Variants in ABCA4 observed in about 807,000 individuals in gnomAD.
The protein encoded by ABCA4 is ATP binding cassette subfamily A member 4.
In ABCA4, 196 loss-of-function variants were observed where a neutral mutation model predicts 263.7. The observed-to-expected ratio is 0.74, with a 90% CI of 0.66 to 0.84. The LOEUF (loss-of-function observed/expected upper bound fraction) is 0.84. Among genes scored for constraint, ABCA4 ranks in the 40% least tolerant of loss-of-function variants. The probability of loss-of-function intolerance (pLI) is 0.00; values close to 1 mark genes in which losing one functional copy is unlikely to be tolerated. For missense variants in ABCA4, 2,792 were observed against 2,855.1 expected (o/e 0.98, Z 0.50); for synonymous variants, 1,133 against 1,094.2 (o/e 1.04, Z -0.70).
At chr1:94,000,308 AATAGT>A (rs1016622945) in intron 47 of ABCA4, among the ~76,000 whole-genome samples, 1 of 152,224 alleles carries the variant, frequency 6.6e-6, no homozygotes, top group African/African-American at 2.4e-5. Context: ...AATTATCTAC[AATAGT>A]TTACAATGTG....
At chr1:94,016,683 T>C (rs1659755873) in intron 36 of ABCA4, among the ~76,000 whole-genome samples, 2 of 152,196 alleles carry the variant, frequency 1.3e-5, no homozygotes, top group African/African-American at 2.4e-5. Context: ...GGAGAGCTCA[T>C]AGTGTTCACT....
intron 11 of ABCA4, among the ~76,000 whole-genome samples, chr1:94,076,615 C>A (rs1348669616): frequency 1.3e-5 from 2 of 152,164 alleles, no homozygotes; most frequent in Admixed American, 1.3e-4. Flanking sequence ...TGAGCAAGGG[C>A]TGGGAAGGTG....
At chr1:94,060,952 T>C (rs187957935) in intron 13 of ABCA4, among the ~76,000 whole-genome samples, 193 bp from the exon 14 acceptor site, 20 of 152,380 alleles carry the variant, frequency 1.3e-4, no homozygotes, top group African/African-American at 4.6e-4. Flanking sequence ...CATTATTTTT[T>C]GTTTATAGCA....
chr1:94,022,135 T>A (rs1659920205), intron 32 of ABCA4, among the ~76,000 whole-genome samples, 184 bp from the exon 33 acceptor site: 1 of 151,896 alleles, frequency 6.6e-6, no homozygotes. Context: ...CAGGAAGGAG[T>A]CCAAACCCTC....
intron 17 of ABCA4, 31 bp downstream of exon 17, chr1:94,051,602 A>G (rs374728806): frequency 3.2e-6 from 5 of 1,585,272 alleles, no homozygotes; most frequent in Non-Finnish European, 3.5e-6. Context: ...GTTGATTTCA[A>G]ACATTAAGAT....
intron 21 of ABCA4, 151 bp from the exon 22 acceptor site, chr1:94,043,049 G>A (rs1334575717): frequency 7.2e-6 from 9 of 1,242,582 alleles, no homozygotes; most frequent in African/African-American, 1.5e-5. Context: ...CCCTAATACT[G>A]TTCAGGCTTT....
At position 94,021,861 on chromosome 1, in the gene ABCA4, G is replaced by A. The variant is rs372697156; in HGVS notation, c.4758C>T (p.Ile1586=). The change falls in exon 33 of 50, where the codon ATC becomes ATT. Residue 1586 remains isoleucine (I), a synonymous_variant. Coordinates refer to ENST00000370225, the MANE Select transcript of ABCA4 (RefSeq NM_000350.3). ...GTTTACATACCCCGCTCACATTCATGATCCGGCCAAGGTCGCTTAAAAACC... is the reference window on the plus strand; with the variant it reads ...GTTTACATACCCCGCTCACATTCATAATCCGGCCAAGGTCGCTTAAAAACC... The part of the protein sequence containing the change: ...LVGFLSDLGR[I]MNVSGGPITR... 2 of 1,614,084 alleles carry A rather than the reference G, an allele frequency of 1.2e-6. No individual in the cohort carries two copies. Among genetic ancestry groups the A allele is most frequent in the Non-Finnish European group, 1.7e-6 (2 of 1,180,020 alleles).
intron 1 of ABCA4, among the ~76,000 whole-genome samples, chr1:94,114,541 C>T (rs1381037322): frequency 1.3e-5 from 2 of 152,022 alleles, no homozygotes; most frequent in Non-Finnish European, 2.9e-5. Flanking sequence ...GGCTGGAGTG[C>T]AGTGGCACGA....
chr1:94,022,422 C>T (rs1659928958), intron 32 of ABCA4, among the ~76,000 whole-genome samples: 1 of 152,204 alleles, frequency 6.6e-6, no homozygotes, highest in Non-Finnish European at 1.5e-5. Context: ...TGTGCCACCT[C>T]TGTGCTTTGC....
At chr1:94,027,333 T>G (rs937950732) in intron 30 of ABCA4, among the ~76,000 whole-genome samples, 2 of 152,184 alleles carry the variant, frequency 1.3e-5, no homozygotes, top group Non-Finnish European at 2.9e-5. Context: ...TGAAACACCA[T>G]GTAGGTAGGC....
chr1:94,064,128 C>G (rs2101080563), intron 11 of ABCA4, among the ~76,000 whole-genome samples: 1 of 152,292 alleles, frequency 6.6e-6, no homozygotes, highest in African/African-American at 2.4e-5. Context: ...TAGCATGTAA[C>G]TCACAAGAAG....
At chr1:94,111,091 TG>T (rs1172683067) in intron 3 of ABCA4, among the ~76,000 whole-genome samples, 1 of 152,236 alleles carries the variant, frequency 6.6e-6, no homozygotes, top group Non-Finnish European at 1.5e-5. Context: ...GTGAGGGAAC[TG>T]AGTTTTTCTC....
chr1:94,011,240 A>T, intron 39 of ABCA4, 22 bp downstream of exon 39: 1 of 1,613,874 alleles, frequency 6.2e-7, no homozygotes, highest in Non-Finnish European at 8.5e-7. Flanking sequence ...CCCATGCTCC[A>T]TGGGCCTCGG....
At chr1:94,060,236 C>G (rs1444769098) in intron 14 of ABCA4, among the ~76,000 whole-genome samples, 1 of 152,246 alleles carries the variant, frequency 6.6e-6, no homozygotes, top group Non-Finnish European at 1.5e-5. Flanking sequence ...CACTATCACC[C>G]TGTGCAGGGC....
At chr1:94,050,896 G>A (rs1660824059) in intron 17 of ABCA4, among the ~76,000 whole-genome samples, 1 of 152,252 alleles carries the variant, frequency 6.6e-6, no homozygotes, top group Non-Finnish European at 1.5e-5. Flanking sequence ...AGGTAGGTGA[G>A]CAACAAACAG....
At position 94,044,809 on chromosome 1, in the gene ABCA4, C is replaced by T; in HGVS notation, c.2919-65G>A. On this transcript the variant is annotated intron_variant, in intron 19 of 49. Coordinates refer to ENST00000370225, the MANE Select transcript of ABCA4 (RefSeq NM_000350.3). ...TAGCAACATGCCTTAGGAGGGCCAC[C>T]CCCACACCAGGTTCAGTGAGAACTC... 5 of 1,610,774 alleles carry T rather than the reference C, an allele frequency of 3.1e-6. 1 individual carries two copies. In the South Asian group the frequency reaches 5.5e-5, roughly 18 times the overall value.
chr1:94,105,056 A>G (rs949001440), intron 4 of ABCA4, among the ~76,000 whole-genome samples: 4 of 152,100 alleles, frequency 2.6e-5, no homozygotes, highest in Non-Finnish European at 5.9e-5. Context: ...ATCTCTTGAG[A>G]GTTGGGGGCT....
intron 24 of ABCA4, among the ~76,000 whole-genome samples, chr1:94,039,669 C>A (rs1006084698): frequency 6.6e-6 from 1 of 152,178 alleles, no homozygotes; most frequent in African/African-American, 2.4e-5. Context: ...CTGGAAGAGC[C>A]GTGCATCACC....
At position 94,041,301 on chromosome 1, in the gene ABCA4, G is replaced by A. The variant is rs1047230065; in HGVS notation, c.3430C>T (p.Pro1144Ser). 1.5e-5 allele frequency: 24 copies of A among 1,613,986 alleles called. No individual in the cohort carries two copies. The highest frequency in any genetic ancestry group is 2.0e-5 in the Non-Finnish European group (24 of 1,180,012). The change falls in exon 23 of 50, where the codon CCA (proline) becomes TCA (serine). Residue 1144 changes from proline (P) to serine (S), a missense_variant. Physicochemically the swap from Pro to Ser is moderately conservative, Grantham distance 74. Transcript: ENST00000370225. Reference sequence around the variant, plus strand: ...CCAAAGCAGTTCTTCAGGAAGAGTGGGGTGCCTGAGCAGTAGAGCCTTCCC... The same window carrying A: ...CCAAAGCAGTTCTTCAGGAAGAGTGAGGTGCCTGAGCAGTAGAGCCTTCCC... ...AQGRLYCSGT[P>S]LFLKNCFGTG... is the part of the protein sequence containing the mutation.
Sources: gnomAD v4.1 joint callset for allele counts (sites outside exome capture counted in the v4.1 genomes callset) on GRCh38, gnomAD v4.1.1 for gene constraint, MANE v1.5 for transcripts, NCBI Gene and HGNC (gene_info 2026-07-23, HGNC 2026-07-21) for gene names.